The following CSMD1 variants were observed in gnomAD, a reference collection of about 807,000 sequenced individuals.
CSMD1 encodes the protein CUB and sushi domain-containing protein 1.
A neutral mutation model predicts 417.5 loss-of-function variants in CSMD1; 213 were observed. The observed-to-expected ratio is 0.51, with a 90% CI of 0.46 to 0.57. The LOEUF (loss-of-function observed/expected upper bound fraction) is 0.57, where lower values mean the gene tolerates loss of function less well. Among genes scored for constraint, CSMD1 ranks in the 20% least tolerant of loss-of-function variants. The pLI is 0.00. For missense variants in CSMD1, 6,923 were observed against 4,529.7 expected (o/e 1.53, Z -15.17); for synonymous variants, 2,862 against 1,736.8 (o/e 1.65, Z -16.11).
chr8:4,120,182 C>G (rs1005065113), intron 3 of CSMD1, among the ~76,000 whole-genome samples: 1 of 152,074 alleles, frequency 6.6e-6, no homozygotes, highest in East Asian at 1.9e-4. Context: ...AATATATACA[C>G]CTATTGTGTA....
intron 40 of CSMD1, among the ~76,000 whole-genome samples, chr8:3,148,226 T>A (rs1818968549): frequency 6.6e-6 from 1 of 152,176 alleles, no homozygotes; most frequent in South Asian, 2.1e-4. Flanking sequence ...TCCCATTTTG[T>A]TTTACGTAAA....
chr8:3,318,753 C>A (rs1805951956), intron 23 of CSMD1, among the ~76,000 whole-genome samples: 1 of 152,070 alleles, frequency 6.6e-6, no homozygotes, highest in Admixed American at 6.6e-5. Flanking sequence ...GTTCCTTCTG[C>A]AGGGTTTCTG....
At chr8:4,986,512 A>G (rs747803754) in intron 1 of CSMD1, among the ~76,000 whole-genome samples, 4 of 152,140 alleles carry the variant, frequency 2.6e-5, no homozygotes, top group Non-Finnish European at 5.9e-5. Flanking sequence ...ATCAGAGATC[A>G]CTCTCCAAAT....
At chr8:3,459,425 G>C (rs147223980) in intron 12 of CSMD1, among the ~76,000 whole-genome samples, 8 of 152,304 alleles carry the variant, frequency 5.3e-5, no homozygotes, top group African/African-American at 1.4e-4. Flanking sequence ...CAGTGCCACA[G>C]GAATATGCAC....
chr8:3,356,946 T>C (rs1485858941), intron 21 of CSMD1, among the ~76,000 whole-genome samples: 1 of 152,014 alleles, frequency 6.6e-6, no homozygotes, highest in African/African-American at 2.4e-5. Context: ...GGGTTTTCAC[T>C]TTGGAGAGAG....
In CSMD1 at chr8:3,335,992, G is replaced by A. The variant is rs148705250; in HGVS notation, c.3631+7302C>T. ...TTGGGCTAATTTACATGCAGAGGAC[G>A]ATGAGTAATCCTTAAGCCTAGAAAA... On this transcript the variant is annotated intron_variant, in intron 23 of 69. Coordinates refer to ENST00000635120, the MANE Select transcript of CSMD1 (RefSeq NM_033225.6). Among the ~76,000 whole-genome samples the A allele has an allele frequency of 6.2e-3, 947 of 152,182 alleles. 8 individuals carry two copies. The highest frequency in any genetic ancestry group is 0.022 in the African/African-American group (903 of 41,512).
At chr8:3,488,775 G>C (rs1340758287) in intron 11 of CSMD1, among the ~76,000 whole-genome samples, 4 of 152,184 alleles carry the variant, frequency 2.6e-5, no homozygotes, top group African/African-American at 7.2e-5. Flanking sequence ...AAACAGTTGA[G>C]TCTGTCTATA....
intron 5 of CSMD1, among the ~76,000 whole-genome samples, chr8:3,824,709 A>G (rs954025756): frequency 6.6e-6 from 1 of 152,054 alleles, no homozygotes; most frequent in Admixed American, 6.6e-5. Context: ...GTATCTTTTT[A>G]CTCCTTTTAA....
intron 33 of CSMD1, among the ~76,000 whole-genome samples, chr8:3,193,679 C>A (rs1410191057): frequency 6.6e-6 from 1 of 152,102 alleles, no homozygotes; most frequent in Non-Finnish European, 1.5e-5. Flanking sequence ...TGAGGTCAGC[C>A]TGGAATAGAG....
At chr8:3,453,517 G>A (rs986742596) in intron 12 of CSMD1, among the ~76,000 whole-genome samples, 3 of 152,026 alleles carry the variant, frequency 2.0e-5, no homozygotes, top group African/African-American at 7.2e-5. Flanking sequence ...TTGTGTCTTT[G>A]TTCTCATTGG....
At chr8:3,522,124 T>G (rs923726273) in intron 10 of CSMD1, among the ~76,000 whole-genome samples, 1 of 152,262 alleles carries the variant, frequency 6.6e-6, no homozygotes, top group Non-Finnish European at 1.5e-5. Context: ...AATTCTGTAT[T>G]CTTTAAACTA....
chr8:4,351,412 T>C (rs34026341), intron 3 of CSMD1, among the ~76,000 whole-genome samples: 18,411 of 152,262 alleles, frequency 0.12, 1,564 homozygotes, highest in African/African-American at 0.23. Context: ...CTGGCTGTTA[T>C]ACCAAGTAAG....
intron 1 of CSMD1, among the ~76,000 whole-genome samples, chr8:4,736,491 C>G (rs1810244135): frequency 6.6e-6 from 1 of 152,026 alleles, no homozygotes; most frequent in Non-Finnish European, 1.5e-5. Flanking sequence ...CTAAAGAAGT[C>G]AGAACTCAGA....
chr8:3,441,790 A>G (rs1037733770), intron 12 of CSMD1, among the ~76,000 whole-genome samples: 4 of 152,034 alleles, frequency 2.6e-5, no homozygotes, highest in Non-Finnish European at 5.9e-5. Flanking sequence ...TGCTTTATAT[A>G]TTTACTATGC....
intron 49 of CSMD1, among the ~76,000 whole-genome samples, chr8:3,057,524 A>G (rs190857694): frequency 4.7e-4 from 71 of 151,202 alleles, no homozygotes; most frequent in African/African-American, 1.6e-3. Context: ...ATATAAGTAC[A>G]TATGTGTAAT....
At chr8:4,037,999 G>T (rs958868221) in intron 3 of CSMD1, among the ~76,000 whole-genome samples, 5 of 152,104 alleles carry the variant, frequency 3.3e-5, no homozygotes, top group African/African-American at 4.8e-5. Context: ...TATAATTTTA[G>T]TCACTTTATT....
chr8:4,888,530 G>A (rs936589095), intron 1 of CSMD1, among the ~76,000 whole-genome samples: 9 of 150,884 alleles, frequency 6.0e-5, no homozygotes, highest in Non-Finnish European at 1.0e-4. Context: ...AGAGAGAGAG[G>A]TATGTGTGTG....
chr8:3,991,965 A>G (rs148550549), intron 5 of CSMD1, among the ~76,000 whole-genome samples: 1 of 151,138 alleles, frequency 6.6e-6, no homozygotes, highest in Non-Finnish European at 1.5e-5. Flanking sequence ...TGATTATTAA[A>G]TGTTTTTTTA....
At chr8:3,587,895 G>A (rs556513615) in intron 8 of CSMD1, among the ~76,000 whole-genome samples, 2 of 151,928 alleles carry the variant, frequency 1.3e-5, no homozygotes, top group South Asian at 2.1e-4. Context: ...TGAGAAACCC[G>A]GCATCATAAG....
Sources: gnomAD v4.1 joint callset for allele counts (sites outside exome capture counted in the v4.1 genomes callset) on GRCh38, gnomAD v4.1.1 for gene constraint, MANE v1.5 for transcripts, NCBI Gene and HGNC (gene_info 2026-07-23, HGNC 2026-07-21) for gene names.